BAIAP2L1: variants seen among roughly 807,000 people sequenced by gnomAD.
BAIAP2L1 encodes BAR/IMD domain containing adaptor protein 2 like 1, also known as BAR/IMD domain-containing adapter protein 2-like 1.
A neutral mutation model predicts 66.3 loss-of-function variants in BAIAP2L1; 35 were observed. The observed-to-expected ratio is 0.53, with a 90% CI of 0.40 to 0.70. The LOEUF (loss-of-function observed/expected upper bound fraction) is 0.70. BAIAP2L1 is among the 30% of genes least tolerant of loss of function. The probability of loss-of-function intolerance (pLI) is 0.00; values close to 1 mark genes in which losing one functional copy is unlikely to be tolerated. For synonymous variants in BAIAP2L1, 269 were observed against 248.7 expected (o/e 1.08, Z -0.77); for missense variants, 622 against 656.9 (o/e 0.95, Z 0.58).
intron 1 of BAIAP2L1, among the ~76,000 whole-genome samples, chr7:98,391,708 C>CAA (rs35659859): frequency 1.3e-4 from 13 of 99,240 alleles, no homozygotes; most frequent in African/African-American, 2.6e-4. Flanking sequence ...GACTCCGTCT[C>CAA]AAAAAAAAAA....
Position 98,363,178 on chromosome 7 carries a change from G to A in BAIAP2L1, c.52-746C>T, listed in dbSNP as rs537843919. Reference sequence around the variant, plus strand: ...GCCTCCCGAGTAGCTGGGATTACAGGAGCCCACCACCACACCCAGCTAATT... The same window carrying A: ...GCCTCCCGAGTAGCTGGGATTACAGAAGCCCACCACCACACCCAGCTAATT... On this transcript the variant is annotated intron_variant, in intron 1 of 13. Transcript: ENST00000005260. Among the ~76,000 whole-genome samples the A allele has an allele frequency of 7.2e-5, 11 of 151,954 alleles. No individual in the cohort carries two copies. In the South Asian group the frequency reaches 1.9e-3, roughly 26 times the overall value.
Position 98,293,119 on chromosome 7 carries a change from G to GATT in BAIAP2L1, c.*401_*402insAAT. 5.0e-6 allele frequency: 2 copies of GATT among 402,152 alleles called. No individual in the cohort carries two copies. Among genetic ancestry groups the GATT allele is most frequent in the Non-Finnish European group, 7.2e-6 (2 of 278,598 alleles). 24.9% of individuals were successfully genotyped at this position (402,152 alleles called of 1,614,324 possible). ...TCTTCTTTAGACATAATGCTATTAA[G>GATT]AGCACATGCTTTATAAAATAAAACT... On this transcript the variant is annotated 3_prime_UTR_variant, in exon 14 of 14. Transcript: ENST00000005260.
At chr7:98,339,815 T>A (rs1186802040) in intron 3 of BAIAP2L1, among the ~76,000 whole-genome samples, 1 of 152,214 alleles carries the variant, frequency 6.6e-6, no homozygotes, top group East Asian at 1.9e-4. Context: ...GTGAAAAAGT[T>A]AGAAATCCAC....
At chr7:98,317,097 A>T in intron 6 of BAIAP2L1, 122 bp downstream of exon 6, 2 of 1,245,578 alleles carry the variant, frequency 1.6e-6, no homozygotes, top group Non-Finnish European at 2.3e-6. Flanking sequence ...ATATGATCCT[A>T]CTGCCTCGGC....
At chr7:98,323,663 G>A (rs1381818060) in intron 3 of BAIAP2L1, among the ~76,000 whole-genome samples, 2 of 152,222 alleles carry the variant, frequency 1.3e-5, no homozygotes, top group Admixed American at 6.5e-5. Context: ...GTGGCTTCCC[G>A]CAGCATGGCG....
intron 1 of BAIAP2L1, among the ~76,000 whole-genome samples, chr7:98,373,349 G>T (rs13246843): frequency 0.38 from 57,604 of 152,018 alleles, 12,441 homozygotes; most frequent in Middle Eastern, 0.55. Context: ...CCACAAAAAT[G>T]CTTTTTGTTG....
chr7:98,335,615 C>T (rs1801600745), intron 3 of BAIAP2L1, among the ~76,000 whole-genome samples: 1 of 152,188 alleles, frequency 6.6e-6, no homozygotes, highest in Non-Finnish European at 1.5e-5. Flanking sequence ...CTCATTCAGT[C>T]AATCAACAAA....
At chr7:98,343,033 C>T (rs1801780345) in intron 3 of BAIAP2L1, among the ~76,000 whole-genome samples, 1 of 151,586 alleles carries the variant, frequency 6.6e-6, no homozygotes, top group African/African-American at 2.4e-5. Flanking sequence ...ACATGAGTGA[C>T]TTTAGGTACA....
At chr7:98,335,929 C>A (rs1489105332) in intron 3 of BAIAP2L1, among the ~76,000 whole-genome samples, 5 of 152,212 alleles carry the variant, frequency 3.3e-5, no homozygotes, top group African/African-American at 1.2e-4. Flanking sequence ...CTCCTTCAAC[C>A]AGACTGAAGG....
At chr7:98,357,246 A>G (rs2115704912) in intron 2 of BAIAP2L1, among the ~76,000 whole-genome samples, 1 of 149,966 alleles carries the variant, frequency 6.7e-6, no homozygotes, top group Non-Finnish European at 1.5e-5. Flanking sequence ...TTTCTGGCAC[A>G]TTAATCTACT....
chr7:98,400,707 C>A (rs1040153938), intron 1 of BAIAP2L1, 95 bp downstream of exon 1: 2 of 1,389,626 alleles, frequency 1.4e-6, no homozygotes, highest in South Asian at 2.5e-5. Context: ...GGGAGGGGAG[C>A]TGGAGGGAGG....
intron 8 of BAIAP2L1, among the ~76,000 whole-genome samples, chr7:98,311,799 A>G (rs1296201618): frequency 1.3e-5 from 2 of 152,026 alleles, no homozygotes; most frequent in Admixed American, 6.6e-5. Flanking sequence ...CCAGCTACTG[A>G]GGAGGCTGAG....
chr7:98,302,960 A>AT (rs1176572089), intron 12 of BAIAP2L1, among the ~76,000 whole-genome samples: 2 of 151,784 alleles, frequency 1.3e-5, no homozygotes, highest in African/African-American at 4.8e-5. Context: ...AATTTTTTAT[A>AT]TTTTTTGTCT....
At chr7:98,327,412 G>T (rs1801401387) in intron 3 of BAIAP2L1, among the ~76,000 whole-genome samples, 1 of 151,728 alleles carries the variant, frequency 6.6e-6, no homozygotes, top group Non-Finnish European at 1.5e-5. Flanking sequence ...GGTGGCTCAC[G>T]CCTGTAATCC....
chr7:98,397,897 G>A (rs1454281408), intron 1 of BAIAP2L1, among the ~76,000 whole-genome samples: 2 of 152,082 alleles, frequency 1.3e-5, no homozygotes, highest in Non-Finnish European at 2.9e-5. Context: ...ACATCCTCCT[G>A]GGAGTTAGCA....
intron 1 of BAIAP2L1, among the ~76,000 whole-genome samples, chr7:98,385,034 G>A (rs568389445): frequency 2.0e-5 from 3 of 152,200 alleles, no homozygotes; most frequent in African/African-American, 7.2e-5. Context: ...CTGGGTGGGT[G>A]CAGTGGTTCA....
At chr7:98,372,920 G>T (rs550644658) in intron 1 of BAIAP2L1, among the ~76,000 whole-genome samples, 1 of 151,966 alleles carries the variant, frequency 6.6e-6, no homozygotes, top group South Asian at 2.1e-4. Flanking sequence ...TTGTATTCTT[G>T]GTAGAGATGG....
At chr7:98,396,773 G>A (rs538218552) in intron 1 of BAIAP2L1, among the ~76,000 whole-genome samples, 24 of 152,284 alleles carry the variant, frequency 1.6e-4, no homozygotes, top group Admixed American at 1.3e-3. Flanking sequence ...GAGCAACAAA[G>A]CAAGACCCTG....
At chr7:98,296,652 AAAC>A (rs1218536285) in intron 12 of BAIAP2L1, among the ~76,000 whole-genome samples, 2 of 152,120 alleles carry the variant, frequency 1.3e-5, no homozygotes, top group African/African-American at 4.8e-5. Flanking sequence ...AAAACCAACA[AAAC>A]AAAAACAGAA....
Sources: gnomAD v4.1 joint callset for allele counts (sites outside exome capture counted in the v4.1 genomes callset) on GRCh38, gnomAD v4.1.1 for gene constraint, MANE v1.5 for transcripts, NCBI Gene and HGNC (gene_info 2026-07-23, HGNC 2026-07-21) for gene names.